Variants in FLNB observed in about 807,000 individuals in gnomAD.
FLNB encodes the protein filamin B.
Under a neutral mutation model 250.6 loss-of-function variants are expected in FLNB, and 111 were observed. The observed-to-expected ratio is 0.44, with a 90% CI of 0.38 to 0.52. The LOEUF is 0.52. Ranked by LOEUF, FLNB falls within the 20% of genes least tolerant of loss-of-function variation. FLNB has a pLI of 0.00. For missense variants in FLNB, 2,869 were observed against 3,447.8 expected (o/e 0.83, Z 4.20); for synonymous variants, 1,302 against 1,372.1 (o/e 0.95, Z 1.13).
chr3:58,102,963 C>T (rs559273605), intron 9 of FLNB, among the ~76,000 whole-genome samples: 5 of 152,132 alleles, frequency 3.3e-5, no homozygotes, highest in Middle Eastern at 3.4e-3. Context: ...TCACTTTTTT[C>T]GTTGGAACAG....
At chr3:58,136,999 G>A (rs571726103) in intron 28 of FLNB, among the ~76,000 whole-genome samples, 3 of 152,216 alleles carry the variant, frequency 2.0e-5, no homozygotes, top group South Asian at 2.1e-4. Flanking sequence ...GGGATTACAG[G>A]TGTGAGCACC....
intron 23 of FLNB, among the ~76,000 whole-genome samples, chr3:58,126,113 A>G (rs1330849564): frequency 6.6e-6 from 1 of 152,226 alleles, no homozygotes; most frequent in Admixed American, 6.5e-5. Flanking sequence ...GTGGCGGCTC[A>G]CACCTGTAAT....
chr3:58,146,619 T>G (rs909674504), intron 33 of FLNB: 16 of 594,194 alleles, frequency 2.7e-5, no homozygotes, highest in Non-Finnish European at 4.5e-5. Flanking sequence ...AACTCAGATG[T>G]TTGGGGTTTC....
chr3:58,095,954 T>G (rs934833092), intron 5 of FLNB, among the ~76,000 whole-genome samples, 187 bp from the exon 6 acceptor site: 1 of 152,216 alleles, frequency 6.6e-6, no homozygotes, highest in East Asian at 1.9e-4. Flanking sequence ...TATGCCTCTG[T>G]GCTGCATGGT....
chr3:58,132,536 ACAG>A, intron 25 of FLNB: 1 of 529,664 alleles, frequency 1.9e-6, no homozygotes, highest in Non-Finnish European at 3.4e-6. Flanking sequence ...AGCAGCAAGC[ACAG>A]GCAGTCTCCT....
intron 8 of FLNB, 44 bp downstream of exon 8, chr3:58,098,952 CTG>C: frequency 6.5e-7 from 1 of 1,548,428 alleles, no homozygotes; most frequent in Non-Finnish European, 8.9e-7. Flanking sequence ...CATAGGGAAG[CTG>C]ACTGCACAGC....
At chr3:58,114,350 G>A (rs922833831) in intron 18 of FLNB, among the ~76,000 whole-genome samples, 3 of 152,182 alleles carry the variant, frequency 2.0e-5, no homozygotes, top group African/African-American at 4.8e-5. Context: ...TGGCCAGGCC[G>A]GTCTTGAATT....
intron 1 of FLNB, among the ~76,000 whole-genome samples, chr3:58,060,769 C>CAAAAAA (rs71091334): frequency 3.4e-4 from 22 of 64,208 alleles, no homozygotes; most frequent in African/African-American, 4.1e-4. Context: ...GACCTTGTCT[C>CAAAAAA]AAAAAAAAAA....
At chr3:58,060,441 C>G (rs530005674) in intron 1 of FLNB, among the ~76,000 whole-genome samples, 1 of 151,292 alleles carries the variant, frequency 6.6e-6, no homozygotes, top group Non-Finnish European at 1.5e-5. Flanking sequence ...GCAACCTTCA[C>G]CCCCAGGTTC....
chr3:58,125,604 T>G lies in FLNB; in HGVS notation c.3922T>G (p.Tyr1308Asp). The change falls in exon 23 of 46, where the codon TAT becomes GAT. Residue 1308 changes from tyrosine (Y) to aspartate (D), a missense_variant. This residue lies in a region of FLNB where 1,348 missense variants were observed against 1,466.7 expected (regional missense o/e 0.92). Transcript: ENST00000295956. ...AGGTCTCCATGTAGTGGAGGTGACA[T>G]ATGATGACGTGCCTATCCCAAACAG... Reference protein sequence around the residue: ...EKGLHVVEVTYDDVPIPNSPF... With the variant: ...EKGLHVVEVTDDDVPIPNSPF... The G allele has an allele frequency of 6.2e-7, 1 of 1,614,198 alleles. No homozygotes were observed. Among genetic ancestry groups the G allele is most frequent in the Non-Finnish European group, 8.5e-7 (1 of 1,180,038 alleles).
At chr3:58,118,118 G>A (rs1032242012) in intron 18 of FLNB, among the ~76,000 whole-genome samples, 1 of 152,234 alleles carries the variant, frequency 6.6e-6, no homozygotes, top group Non-Finnish European at 1.5e-5. Context: ...TGGAACCGGC[G>A]AGAGGAGAGA....
At chr3:58,015,649 T>G (rs917523547) in intron 1 of FLNB, among the ~76,000 whole-genome samples, 2 of 152,154 alleles carry the variant, frequency 1.3e-5, no homozygotes, top group African/African-American at 4.8e-5. Context: ...AGGCCCATGC[T>G]CATCACCTGG....
intron 1 of FLNB, among the ~76,000 whole-genome samples, chr3:58,050,021 C>CTTTTTTTTTTTT (rs34910480): frequency 1.5e-5 from 2 of 130,480 alleles, no homozygotes; most frequent in Non-Finnish European, 1.7e-5. Context: ...TAGAAAATGC[C>CTTTTTTTTTTTT]TTTTTTTTTT....
chr3:58,160,156 A>C (rs918496793), intron 42 of FLNB, among the ~76,000 whole-genome samples: 3 of 152,204 alleles, frequency 2.0e-5, no homozygotes, highest in African/African-American at 7.2e-5. Context: ...TTTTTCTTTC[A>C]TATTGTAACA....
intron 1 of FLNB, among the ~76,000 whole-genome samples, chr3:58,048,478 ATATTT>A (rs2097157470): frequency 6.6e-6 from 1 of 152,158 alleles, no homozygotes; most frequent in Non-Finnish European, 1.5e-5. Context: ...TTCAAGTTGA[ATATTT>A]TTGGCTAGGG....
At chr3:58,100,589 C>CT (rs147921421) in intron 8 of FLNB, among the ~76,000 whole-genome samples, 9,174 of 124,692 alleles carry the variant, frequency 0.074, 777 homozygotes, top group East Asian at 0.38. Flanking sequence ...TTTTCTTTTT[C>CT]TTTTTTTTTT....
intron 2 of FLNB, 23 bp downstream of exon 2, chr3:58,077,317 A>G: frequency 6.2e-7 from 1 of 1,613,062 alleles, no homozygotes; most frequent in Non-Finnish European, 8.5e-7. Flanking sequence ...GGCTGCCTAA[A>G]CCATCTGTCC....
rs542646902 is a variant in FLNB, at chr3:58,086,130, G to C, written c.787+4354G>C. ...CCCTCCTCAGCTTCCCTAGTAGTTC[G>C]GACCACAGGTGTGCACCACCATGTC... On this transcript the variant is annotated intron_variant, in intron 4 of 45. Transcript: ENST00000295956. Among the ~76,000 whole-genome samples, 187 of 150,630 alleles carry C rather than the reference G, an allele frequency of 1.2e-3. 1 individual carries two copies. The Middle Eastern group carries it at 0.014, about 11-fold the overall frequency.
Position 58,154,800 on chromosome 3 carries a change from G to A in FLNB, c.6644G>A (p.Ser2215Asn). The change falls in exon 40 of 46, where the codon AGC becomes AAC. Residue 2215 changes from serine (S) to asparagine (N), a missense_variant. Physicochemically the swap from Ser to Asn is conservative, Grantham distance 46. Around this residue, in one of 5 missense-constraint regions of FLNB, gnomAD observed 1,084 missense variants for 1,315.5 expected, o/e 0.82. Transcript: ENST00000295956. ...TTCTCTTTGCTCTCAGCTGAGTTCA[G>A]CATTTGGACCCGGGAAGCAGGCGCT... ...RGEAGVPAEF[S>N]IWTREAGAGG... is the part of the protein sequence containing the mutation. The A allele has an allele frequency of 6.2e-7, 1 of 1,614,012 alleles. No homozygotes were observed. Among genetic ancestry groups the A allele is most frequent in the South Asian group, 1.1e-5 (1 of 91,074 alleles).
Sources: gnomAD v4.1 joint callset for allele counts (sites outside exome capture counted in the v4.1 genomes callset) on GRCh38, gnomAD v4.1.1 for gene constraint, gnomAD v4.1.1 regional missense constraint, MANE v1.5 for transcripts, NCBI Gene and HGNC (gene_info 2026-07-23, HGNC 2026-07-21) for gene names.